CCSER1: variants seen among roughly 807,000 people sequenced by gnomAD.
CCSER1 encodes coiled-coil serine rich protein 1, also known as serine-rich coiled-coil domain-containing protein 1.
A neutral mutation model predicts 82.0 loss-of-function variants in CCSER1; 41 were observed. The observed-to-expected ratio is 0.50, with a 90% confidence interval of 0.39 to 0.65. CCSER1 has a LOEUF of 0.65. Ranked by LOEUF, CCSER1 falls within the 30% of genes least tolerant of loss-of-function variation. The probability of loss-of-function intolerance (pLI) is 0.00; values close to 1 mark genes in which losing one functional copy is unlikely to be tolerated. For missense variants in CCSER1, 1,119 were observed against 1,064.2 expected, an observed-to-expected ratio of 1.05 and a Z score of -0.72; for synonymous variants, 414 against 383.9, an observed-to-expected ratio of 1.08 and a Z score of -0.92.
intron 10 of CCSER1, among the ~76,000 whole-genome samples, chr4:91,568,954 T>G: frequency 6.6e-6 from 1 of 152,188 alleles, no homozygotes; most frequent in African/African-American, 2.4e-5. Flanking sequence ...GCACTGGTTC[T>G]TTCTCATCTC....
intron 7 of CCSER1, among the ~76,000 whole-genome samples, chr4:90,768,258 A>G (rs1751546394): frequency 6.6e-6 from 1 of 152,140 alleles, no homozygotes; most frequent in Non-Finnish European, 1.5e-5. Context: ...AAGCCTGCCA[A>G]CGACCTTGTG....
chr4:90,215,600 ACT>A (rs1740863563), intron 1 of CCSER1, among the ~76,000 whole-genome samples: 1 of 152,068 alleles, frequency 6.6e-6, no homozygotes, highest in South Asian at 2.1e-4. Flanking sequence ...GCAAGTTCAC[ACT>A]CCTCTGTGCT....
chr4:90,806,625 C>T (rs1408076345), intron 7 of CCSER1, among the ~76,000 whole-genome samples: 1 of 152,108 alleles, frequency 6.6e-6, no homozygotes, highest in Admixed American at 6.5e-5. Flanking sequence ...CCTCAGCTCT[C>T]CAGATGAAGT....
At chr4:91,160,805 C>G (rs927079624) in intron 10 of CCSER1, among the ~76,000 whole-genome samples, 9 of 152,008 alleles carry the variant, frequency 5.9e-5, no homozygotes, top group Non-Finnish European at 2.9e-5. Flanking sequence ...GATATTAGCC[C>G]TTTGTCAGAT....
chr4:90,941,233 A>T (rs1434776506), intron 9 of CCSER1, among the ~76,000 whole-genome samples: 1 of 152,136 alleles, frequency 6.6e-6, no homozygotes, highest in Non-Finnish European at 1.5e-5. Flanking sequence ...AACATATTTT[A>T]TTTATGTTTT....
intron 10 of CCSER1, among the ~76,000 whole-genome samples, chr4:91,099,993 G>A (rs1365273344): frequency 6.6e-6 from 1 of 151,998 alleles, no homozygotes; most frequent in Non-Finnish European, 1.5e-5. Flanking sequence ...AGCTTTGCAG[G>A]GCCATTTCAA....
At position 91,461,274 on chromosome 4, in the gene CCSER1, C is replaced by A. The variant is rs567024716; in HGVS notation, c.2218-137298C>A. On this transcript the variant is annotated intron_variant, in intron 10 of 10. Transcript: ENST00000509176. The stretch of plus-strand genomic sequence containing the variant: ...TTGCCATGTTTCAAAAATTATTCTC[C>A]ATGTTTTACTTAGAATTTGTAGTAT... Among the ~76,000 whole-genome samples, 18 of 152,182 alleles carry A rather than the reference C, an allele frequency of 1.2e-4. No individual in the cohort carries two copies. In the East Asian group the frequency reaches 3.5e-3, roughly 29 times the overall value.
At chr4:91,404,558 T>G (rs551684721) in intron 10 of CCSER1, among the ~76,000 whole-genome samples, 18 of 152,218 alleles carry the variant, frequency 1.2e-4, no homozygotes, top group Non-Finnish European at 2.6e-4. Flanking sequence ...CTCTACACAC[T>G]GCTTTAAATG....
intron 10 of CCSER1, among the ~76,000 whole-genome samples, chr4:91,131,645 G>A (rs1217237018): frequency 6.6e-6 from 1 of 151,980 alleles, no homozygotes; most frequent in South Asian, 2.1e-4. Flanking sequence ...TCAATCTGTT[G>A]ATCTAGATAG....
At chr4:91,434,279 A>G (rs1340493987) in intron 10 of CCSER1, among the ~76,000 whole-genome samples, 2 of 152,040 alleles carry the variant, frequency 1.3e-5, no homozygotes, top group Non-Finnish European at 2.9e-5. Flanking sequence ...ATTTAGGAAT[A>G]TCTTGTGGAA....
At chr4:90,337,931 T>A (rs572670313) in intron 3 of CCSER1, among the ~76,000 whole-genome samples, 2 of 152,300 alleles carry the variant, frequency 1.3e-5, no homozygotes, top group East Asian at 3.9e-4. Context: ...TGGTGCAATA[T>A]GTTGTTTTGT....
At chr4:90,593,699 T>G (rs1196369065) in intron 5 of CCSER1, among the ~76,000 whole-genome samples, 1 of 152,072 alleles carries the variant, frequency 6.6e-6, no homozygotes, top group Non-Finnish European at 1.5e-5. Flanking sequence ...ATATTTTCCC[T>G]GGGTGTTATA....
chr4:90,211,929 A>T (rs1287828741), intron 1 of CCSER1, among the ~76,000 whole-genome samples: 2 of 152,202 alleles, frequency 1.3e-5, no homozygotes, highest in African/African-American at 4.8e-5. Flanking sequence ...AACACAGAAT[A>T]CTTCTTTAAC....
chr4:90,483,395 G>A (rs1766419332), intron 5 of CCSER1, among the ~76,000 whole-genome samples: 1 of 152,186 alleles, frequency 6.6e-6, no homozygotes, highest in South Asian at 2.1e-4. Flanking sequence ...ATTGTCATGT[G>A]TGAATTTGAT....
chr4:91,569,798 C>A (rs1588983), intron 10 of CCSER1, among the ~76,000 whole-genome samples: 1 of 152,152 alleles, frequency 6.6e-6, no homozygotes, highest in Non-Finnish European at 1.5e-5. Flanking sequence ...TCTGCCCCTG[C>A]CTCCTCCCAA....
intron 3 of CCSER1, among the ~76,000 whole-genome samples, chr4:90,352,192 C>T (rs1003513035): frequency 2.0e-5 from 3 of 151,900 alleles, no homozygotes; most frequent in South Asian, 2.1e-4. Context: ...GGCGTGGTGG[C>T]GGGCGCCTGT....
At chr4:90,251,347 G>A (rs1722346283) in intron 1 of CCSER1, among the ~76,000 whole-genome samples, 1 of 151,756 alleles carries the variant, frequency 6.6e-6, no homozygotes, top group Non-Finnish European at 1.5e-5. Flanking sequence ...TTACCAGTAG[G>A]TATAATGATA....
chr4:91,367,130 CAAAAAAAAA>C (rs70965488), intron 10 of CCSER1, among the ~76,000 whole-genome samples: 2 of 63,728 alleles, frequency 3.1e-5, no homozygotes, highest in Non-Finnish European at 6.1e-5. Context: ...ACCATCTCTC[CAAAAAAAAA>C]AAAAAAAAAA....
At chr4:90,751,836 T>C (rs1479927360) in intron 7 of CCSER1, among the ~76,000 whole-genome samples, 2 of 152,088 alleles carry the variant, frequency 1.3e-5, no homozygotes, top group Non-Finnish European at 2.9e-5. Flanking sequence ...AAGATATTGA[T>C]AACCTAGCAG....
Sources: allele counts gnomAD v4.1 joint callset (sites outside exome capture counted in the v4.1 genomes callset), GRCh38; gene constraint gnomAD v4.1.1; transcripts MANE v1.5; gene names NCBI Gene and HGNC (gene_info 2026-07-23, HGNC 2026-07-21).